Variants in EVC observed in about 807,000 individuals in gnomAD.
EVC encodes EvC ciliary complex subunit 1.
In EVC, 116 loss-of-function variants were observed where a neutral mutation model predicts 118.9. The ratio of observed to expected loss-of-function variants is 0.98; its 90% CI spans 0.84 to 1.14. The LOEUF (loss-of-function observed/expected upper bound fraction) is 1.14. Ranked by LOEUF, EVC falls within the 50% of genes most tolerant of loss-of-function variation. EVC has a pLI of 0.00. For missense variants in EVC, 1,401 were observed against 1,246.4 expected, an observed-to-expected ratio of 1.12 and a Z score of -1.87; for synonymous variants, 619 against 534.7, an observed-to-expected ratio of 1.16 and a Z score of -2.18.
chr4:5,714,840 G>C (rs1723683902), intron 1 of EVC, among the ~76,000 whole-genome samples: 1 of 151,958 alleles, frequency 6.6e-6, no homozygotes, highest in Non-Finnish European at 1.5e-5. Context: ...GGTCTCACTT[G>C]ATTGCCCAGG....
chr4:5,725,346 T>C (rs1271558549), intron 2 of EVC, among the ~76,000 whole-genome samples: 1 of 152,220 alleles, frequency 6.6e-6, no homozygotes, highest in Admixed American at 6.5e-5. Context: ...ACCAACAGTG[T>C]AAAAGTTTTC....
chr4:5,808,455 G>A (rs766138178), intron 18 of EVC, 128 bp downstream of exon 18: 34 of 1,437,356 alleles, frequency 2.4e-5, no homozygotes, highest in South Asian at 3.7e-5. Flanking sequence ...TCGTTGACCC[G>A]CTGAGTCTCA....
rs200403160 is a variant in EVC, at chr4:5,808,263, A to T, written c.2624A>T (p.His875Leu). The stretch of plus-strand genomic sequence containing the variant: ...CCAGTGCACCAGCAGATGCGTCTGC[A>T]CGCCCAGCAGCAGCAGGCAGGAGTC... Reference protein sequence around the residue: ...QFPVHQQMRLHAQQQQAGVMD... With the variant: ...QFPVHQQMRLLAQQQQAGVMD... Residue 875 changes from histidine (H) to leucine (L), a missense_variant, in exon 18 of 21, where the codon CAC (histidine) becomes CTC (leucine). By Grantham distance (99) the His-to-Leu change is moderately conservative. Coordinates refer to ENST00000264956, the MANE Select transcript of EVC (RefSeq NM_153717.3). 42 of 1,611,128 alleles carry T rather than the reference A, an allele frequency of 2.6e-5. No individual in the cohort carries two copies. The East Asian group carries it at 9.4e-4, about 36-fold the overall frequency.
chr4:5,745,346 G>T lies in EVC; in HGVS notation c.939+5G>T. The T allele has an allele frequency of 4.3e-6, 7 of 1,612,892 alleles. No individual in the cohort carries two copies. Among genetic ancestry groups the T allele is most frequent in the Non-Finnish European group, 5.9e-6 (7 of 1,179,750 alleles). ...TCTGAACAGCTAATCGATAATGTGC[G>T]TGCCAGACTTTCTTTCCTGTACACA... On this transcript the variant is annotated splice_donor_5th_base_variant and intron_variant, in intron 7 of 20. Coordinates refer to ENST00000264956, the MANE Select transcript of EVC (RefSeq NM_153717.3).
At chr4:5,722,303 T>C (rs919715319) in intron 2 of EVC, among the ~76,000 whole-genome samples, 14 of 152,216 alleles carry the variant, frequency 9.2e-5, no homozygotes, top group African/African-American at 3.4e-4. Flanking sequence ...TTTTTCTGCC[T>C]AGTAATGTCT....
the EVC span, chr4:5,825,209 C>A: frequency 2.0e-5 from 20 of 985,208 alleles, no homozygotes; most frequent in African/African-American, 3.5e-5. The surrounding 1 kb of genome is among the most constrained non-coding windows in gnomAD (Gnocchi z 4.4). Flanking sequence ...GAAAGTGTCC[C>A]CAAATGTGTG....
chr4:5,711,575 G>C (rs1723028358), intron 1 of EVC, 21 bp downstream of exon 1: 1 of 1,169,546 alleles, frequency 8.6e-7, no homozygotes, highest in Non-Finnish European at 1.1e-6. Flanking sequence ...CGAGCAGACA[G>C]CGGCGGGGCG....
Position 5,741,750 on chromosome 4 carries a change from A to G in EVC, c.737A>G (p.Asp246Gly). The G allele has an allele frequency of 1.3e-6, 2 of 1,574,842 alleles. No individual in the cohort carries two copies. Among genetic ancestry groups the G allele is most frequent in the Middle Eastern group, 1.8e-4 (1 of 5,588 alleles). The change falls in exon 6 of 21, where the codon GAC becomes GGC. Residue 246 changes from aspartate to glycine, a missense_variant. Transcript: ENST00000264956. ...FIQIFKMCLL[D>G]LLPKKKSDDE... is the part of the protein sequence containing the mutation. ...CAGATTTTTAAAATGTGCCTCCTTGACCTTCTTCCTAAAAAGAAGTCAGAT... is the reference window on the plus strand; with the variant it reads ...CAGATTTTTAAAATGTGCCTCCTTGGCCTTCTTCCTAAAAAGAAGTCAGAT...
In EVC at chr4:5,798,104, C is replaced by T. The variant is rs946194058; in HGVS notation, c.2098-482C>T. On this transcript the variant is annotated intron_variant, in intron 14 of 20. Coordinates refer to ENST00000264956, the MANE Select transcript of EVC (RefSeq NM_153717.3). The surrounding 1 kb of genome is among the most constrained non-coding windows in gnomAD (Gnocchi z 4.1). Reference sequence around the variant, plus strand: ...AGGACTCACGGACCTCGCTACAGCCCCGCTCACTTCTTTCTCTCTTATTTC... The same window carrying T: ...AGGACTCACGGACCTCGCTACAGCCTCGCTCACTTCTTTCTCTCTTATTTC... 2.0e-5 allele frequency among the ~76,000 whole-genome samples: 3 copies of T among 152,160 alleles called. No homozygotes were observed. The highest frequency in any genetic ancestry group is 6.5e-5 in the Admixed American group (1 of 15,284).
At chr4:5,728,484 G>A (rs1726227275) in intron 2 of EVC, among the ~76,000 whole-genome samples, 2 of 151,992 alleles carry the variant, frequency 1.3e-5, no homozygotes, top group African/African-American at 4.8e-5. Flanking sequence ...CTGAGACAAT[G>A]GGGTTTTCTA....
intron 13 of EVC, among the ~76,000 whole-genome samples, chr4:5,795,172 G>C (rs1312479515): frequency 1.3e-5 from 2 of 152,152 alleles, no homozygotes; most frequent in Non-Finnish European, 2.9e-5. Flanking sequence ...TTGCTATCAT[G>C]AATAGCACTG....
intron 13 of EVC, among the ~76,000 whole-genome samples, chr4:5,794,685 A>G (rs1321273926): frequency 6.6e-6 from 1 of 152,000 alleles, no homozygotes; most frequent in Non-Finnish European, 1.5e-5. Context: ...TGCTAGGATT[A>G]CAGGCGTGAG....
At chr4:5,720,006 TG>T (rs1253253017) in intron 2 of EVC, among the ~76,000 whole-genome samples, 2 of 151,856 alleles carry the variant, frequency 1.3e-5, no homozygotes, top group African/African-American at 4.8e-5. Context: ...TCTCTGGGGG[TG>T]GGGGTGCTGG....
At chr4:5,718,727 G>C (rs1447382995) in intron 1 of EVC, among the ~76,000 whole-genome samples, 1 of 152,152 alleles carries the variant, frequency 6.6e-6, no homozygotes, top group Non-Finnish European at 1.5e-5. Context: ...AGCAAGTACA[G>C]GAATTGGCAA....
intron 11 of EVC, among the ~76,000 whole-genome samples, chr4:5,767,574 C>T (rs191372086): frequency 0.094 from 14,024 of 148,574 alleles, 866 homozygotes; most frequent in East Asian, 0.29. Context: ...TAGGACCCTC[C>T]GAGCCACGTG....
chr4:5,805,329 A>G (rs914172974), intron 17 of EVC, among the ~76,000 whole-genome samples: 4 of 152,204 alleles, frequency 2.6e-5, no homozygotes, highest in African/African-American at 9.6e-5. Flanking sequence ...CCTGTCCCAC[A>G]GTGCTGGAGG....
the EVC span, chr4:5,828,576 G>A: frequency 6.2e-7 from 1 of 1,614,226 alleles, no homozygotes; most frequent in Non-Finnish European, 8.5e-7. Flanking sequence ...TGACGTTGAT[G>A]TTTCCGTCTT....
chr4:5,806,009 A>G (rs1226740702), intron 17 of EVC, among the ~76,000 whole-genome samples: 7 of 148,156 alleles, frequency 4.7e-5, no homozygotes, highest in African/African-American at 1.7e-4. Flanking sequence ...CGTTTTACCC[A>G]TTAATTTCTC....
chr4:5,767,980 C>G (rs1252836271), intron 11 of EVC, among the ~76,000 whole-genome samples: 2 of 152,186 alleles, frequency 1.3e-5, no homozygotes, highest in African/African-American at 2.4e-5. Context: ...AACCAGGCAT[C>G]TTGGGAGAGT....
Sources: allele counts gnomAD v4.1 joint callset (sites outside exome capture counted in the v4.1 genomes callset), GRCh38; gene constraint gnomAD v4.1.1; non-coding constraint Gnocchi (gnomAD v3.1); transcripts MANE v1.5; gene names NCBI Gene and HGNC (gene_info 2026-07-23, HGNC 2026-07-21).